The following PCDHAC2 variants were observed in gnomAD, a reference collection of about 807,000 sequenced individuals.
PCDHAC2 encodes protocadherin alpha subfamily C, 2, also known as protocadherin alpha-C2.
Under a neutral mutation model 63.3 loss-of-function variants are expected in PCDHAC2, and 24 were observed. The ratio of observed to expected loss-of-function variants is 0.38; its 90% CI spans 0.27 to 0.53. The LOEUF (loss-of-function observed/expected upper bound fraction) is 0.53. PCDHAC2 is among the 20% of genes least tolerant of loss of function. PCDHAC2 has a pLI of 0.81. For missense variants in PCDHAC2, 1,181 were observed against 1,275.2 expected (o/e 0.93, Z 1.12); for synonymous variants, 569 against 529.4 (o/e 1.07, Z -1.03).
At position 141,010,334 on chromosome 5, in the gene PCDHAC2, T is replaced by C; in HGVS notation, c.*397T>C. On this transcript the variant is annotated 3_prime_UTR_variant, in exon 4 of 4. Transcript: ENST00000289269. The stretch of plus-strand genomic sequence containing the variant: ...TGAGATTGAGCAGCTTGGGAGTTTG[T>C]GGCCACTGGGTATGTGTGGCTACCG... The C allele has an allele frequency of 2.0e-6, 3 of 1,537,004 alleles. No homozygotes were observed. The East Asian group carries it at 7.4e-5, about 38-fold the overall frequency.
At chr5:140,974,108 C>G (rs977903039) in intron 1 of PCDHAC2, among the ~76,000 whole-genome samples, 1 of 152,182 alleles carries the variant, frequency 6.6e-6, no homozygotes, top group Non-Finnish European at 1.5e-5. Flanking sequence ...TAAAAGTATT[C>G]TTTTGCAGTG....
intron 3 of PCDHAC2, among the ~76,000 whole-genome samples, chr5:141,000,522 G>A (rs1294045842): frequency 4.2e-5 from 6 of 143,688 alleles, no homozygotes; most frequent in African/African-American, 1.6e-4. Context: ...CCTTCTCCAG[G>A]GTTCAAGTGA....
chr5:141,003,167 C>T (rs1160809977), intron 3 of PCDHAC2, among the ~76,000 whole-genome samples: 1 of 152,180 alleles, frequency 6.6e-6, no homozygotes, highest in Non-Finnish European at 1.5e-5. Context: ...AATCCTAGTC[C>T]CTGAGGCTCA....
intron 3 of PCDHAC2, among the ~76,000 whole-genome samples, chr5:141,007,087 A>G (rs1554261040): frequency 6.6e-6 from 1 of 152,112 alleles, no homozygotes; most frequent in African/African-American, 2.4e-5. Context: ...AATAGAGAAG[A>G]GAGTCTAGGG....
rs1307653192 is a variant in PCDHAC2, at chr5:141,009,883, G to C, written c.2970G>C (p.Lys990Asn). 1.2e-6 allele frequency: 2 copies of C among 1,613,212 alleles called. No individual in the cohort carries two copies. Among genetic ancestry groups the C allele is most frequent in the Non-Finnish European group, 1.7e-6 (2 of 1,179,888 alleles). Reference sequence around the variant, plus strand: ...AGAAGAAAAAGAAGAAGGGTAACAAGACCCAGGAGAAAAAAGAGAAAGGGA... The same window carrying C: ...AGAAGAAAAAGAAGAAGGGTAACAACACCCAGGAGAAAAAAGAGAAAGGGA... ...KKKKKKKKGNKTQEKKEKGNS... is the reference protein window; with the variant it reads ...KKKKKKKKGNNTQEKKEKGNS... The change falls in exon 4 of 4, where the codon AAG becomes AAC. Residue 990 changes from lysine (K) to asparagine (N), a missense_variant. Coordinates refer to ENST00000289269, the MANE Select transcript of PCDHAC2 (RefSeq NM_018899.6).
chr5:140,974,481 A>T (rs1017520033), intron 1 of PCDHAC2, among the ~76,000 whole-genome samples: 4 of 152,178 alleles, frequency 2.6e-5, no homozygotes, highest in Non-Finnish European at 5.9e-5. Context: ...TTCCACCCAG[A>T]ATTCTCAAAT....
chr5:140,975,461 G>A (rs2096668419), intron 1 of PCDHAC2, among the ~76,000 whole-genome samples: 1 of 152,196 alleles, frequency 6.6e-6, no homozygotes, highest in Non-Finnish European at 1.5e-5. Context: ...GGCCATCTTG[G>A]AATTCTGCCT....
rs138821024 is a variant in PCDHAC2, at chr5:140,968,111, C to T, written c.1345C>T (p.Leu449Phe). ...VTATDGGIPQ[L>F]TSLRTLKVEI... ...AGCCACAGATGGGGGAATACCGCAG[C>T]TCACATCCCTGCGTACACTGAAGGT... Residue 449 changes from leucine to phenylalanine, a missense_variant, in exon 1 of 4, where the codon CTC becomes TTC. By Grantham distance (22) the Leu-to-Phe change is conservative. Transcript: ENST00000289269. 533 of 1,614,062 alleles carry T rather than the reference C, an allele frequency of 3.3e-4. 1 individual carries two copies. The highest frequency in any genetic ancestry group is 4.1e-4 in the Non-Finnish European group (489 of 1,180,052).
intron 1 of PCDHAC2, 120 bp downstream of exon 1, chr5:140,969,451 T>C (rs1016577934): frequency 3.3e-6 from 5 of 1,511,952 alleles, no homozygotes; most frequent in Non-Finnish European, 3.6e-6. Context: ...GTAAACTGAG[T>C]ATATATAGTA....
In PCDHAC2 at chr5:140,967,229, C is replaced by T; in HGVS notation, c.463C>T (p.Leu155Phe). 2 of 1,613,760 alleles carry T rather than the reference C, an allele frequency of 1.2e-6. No homozygotes were observed. The highest frequency in any genetic ancestry group is 2.2e-5 in the East Asian group (1 of 44,862). ...SPRFPRPNYQ[L>F]QVSESVAPGA... ...GCGTTTCCCGCGGCCCAACTACCAG[C>T]TTCAGGTAAGCGAATCGGTGGCGCC... Residue 155 changes from leucine to phenylalanine, a missense_variant, in exon 1 of 4, where the codon CTT (leucine) becomes TTT (phenylalanine). Leu to Phe is a conservative substitution (Grantham distance 22). Transcript: ENST00000289269.
intron 1 of PCDHAC2, chr5:140,969,580 AT>A: frequency 2.2e-6 from 2 of 914,646 alleles, no homozygotes; most frequent in Non-Finnish European, 3.2e-6. Flanking sequence ...AGAAGTGAGG[AT>A]TAGTCTTAAT....
In PCDHAC2 at chr5:140,998,286, A is replaced by G. The variant is rs913397915; in HGVS notation, c.2714-11341A>G. Among the ~76,000 whole-genome samples, 51 of 152,230 alleles carry G rather than the reference A, an allele frequency of 3.4e-4. 1 individual carries two copies. Among genetic ancestry groups the G allele is most frequent in the Non-Finnish European group, 1.5e-5 (1 of 68,044 alleles). On this transcript the variant is annotated intron_variant, in intron 3 of 3. Coordinates refer to ENST00000289269, the MANE Select transcript of PCDHAC2 (RefSeq NM_018899.6). ...AAACTGACACCCATAGGATTAAATC[A>G]GATCACACATTTAGTAAGGGCACCA...
At chr5:140,996,884 A>T (rs1411027110) in intron 3 of PCDHAC2, among the ~76,000 whole-genome samples, 1 of 152,186 alleles carries the variant, frequency 6.6e-6, no homozygotes, top group African/African-American at 2.4e-5. Flanking sequence ...TGTATTTTTA[A>T]ATAAAATAGA....
At position 140,993,185 on chromosome 5, in the gene PCDHAC2, G is replaced by A. The variant is rs1393686590; in HGVS notation, c.2713+10622G>A. Among the ~76,000 whole-genome samples, 5 of 152,162 alleles carry A rather than the reference G, an allele frequency of 3.3e-5. No homozygotes were observed. The South Asian group carries it at 8.3e-4, about 25-fold the overall frequency. The stretch of plus-strand genomic sequence containing the variant: ...TTGCCTTTGGGAAATTTCTTTAGAG[G>A]GAAACTCACTAAAGCTAATTTTTTT... On this transcript the variant is annotated intron_variant, in intron 3 of 3. Transcript: ENST00000289269.
intron 2 of PCDHAC2, among the ~76,000 whole-genome samples, chr5:140,980,713 C>A (rs1034858406): frequency 1.3e-5 from 2 of 151,364 alleles, no homozygotes; most frequent in Non-Finnish European, 2.9e-5. Context: ...TGCTCCTATT[C>A]GGGTTTCAAT....
At chr5:140,997,993 C>T (rs1356544638) in intron 3 of PCDHAC2, among the ~76,000 whole-genome samples, 1 of 152,082 alleles carries the variant, frequency 6.6e-6, no homozygotes, top group Non-Finnish European at 1.5e-5. Flanking sequence ...TACATACTTC[C>T]CTCTGAGCCT....
chr5:140,966,793 G>A lies in PCDHAC2; in HGVS notation c.27G>A (p.Ala9=), dbSNP rs1456903567. 4.6e-6 allele frequency: 7 copies of A among 1,532,300 alleles called. No homozygotes were observed. The Admixed American group carries it at 5.8e-5, about 13-fold the overall frequency. The allele number at this position is 1,532,300 out of a possible 1,614,324, so 94.9% of individuals were successfully genotyped here. A position where few individuals can be genotyped will look rare whatever the true frequency, so the allele number is the denominator to read the frequency against. ...TGGAGCAGGCGGGCACCAGACCTGC[G>A]GCGACAGAGCATCCACGGCTCCGGC... MEQAGTRP[A]ATEHPRLRRP... Residue 9 remains alanine (A), a synonymous_variant, in exon 1 of 4, where the codon GCG becomes GCA. Transcript: ENST00000289269.
chr5:141,008,265 G>C (rs748504708), intron 3 of PCDHAC2, among the ~76,000 whole-genome samples: 4 of 152,200 alleles, frequency 2.6e-5, no homozygotes, highest in Admixed American at 6.5e-5. Flanking sequence ...AGACTGAGAA[G>C]TAATAGGAAA....
intron 2 of PCDHAC2, among the ~76,000 whole-genome samples, chr5:140,981,687 A>ATCATTCAT (rs200213847): frequency 0.01 from 1,586 of 152,088 alleles, 32 homozygotes; most frequent in African/African-American, 0.036. Flanking sequence ...CCTCCCTTCC[A>ATCATTCAT]TCATTCATTC....
Sources: allele counts gnomAD v4.1 joint callset (sites outside exome capture counted in the v4.1 genomes callset), GRCh38; gene constraint gnomAD v4.1.1; transcripts MANE v1.5; gene names NCBI Gene and HGNC (gene_info 2026-07-23, HGNC 2026-07-21).